Variants in CSGALNACT2 observed in about 807,000 individuals in gnomAD.
CSGALNACT2 encodes chondroitin sulfate N-acetylgalactosaminyltransferase 2.
A neutral mutation model predicts 55.3 loss-of-function variants in CSGALNACT2; 35 were observed. That is an observed-to-expected ratio of 0.63 (90% CI 0.48 to 0.84). The LOEUF (loss-of-function observed/expected upper bound fraction) is 0.84, where lower values mean the gene tolerates loss of function less well. Among genes scored for constraint, CSGALNACT2 ranks in the 40% least tolerant of loss-of-function variants. The probability of loss-of-function intolerance (pLI) is 0.00; values close to 1 mark genes in which losing one functional copy is unlikely to be tolerated. For missense variants in CSGALNACT2, 544 were observed against 657.5 expected, an observed-to-expected ratio of 0.83 and a Z score of 1.89; for synonymous variants, 196 against 224.9, an observed-to-expected ratio of 0.87 and a Z score of 1.15.
rs577474312 is a variant in CSGALNACT2 at position 43,158,586 on chromosome 10, T to G, written c.662-129T>G. 6.9e-4 allele frequency: 418 copies of G among 607,610 alleles called. 1 individual carries two copies. Among genetic ancestry groups the G allele is most frequent in the Middle Eastern group, 4.9e-3 (15 of 3,046 alleles). The allele number at this position is 607,610 out of a possible 1,614,324, so 37.6% of individuals were successfully genotyped here. A position where few individuals can be genotyped will look rare whatever the true frequency, so the allele number is the denominator to read the frequency against. The stretch of plus-strand genomic sequence containing the variant: ...TACTGTGCAGTGGGGATAAGTATTT[T>G]CACAAATAGGTAAAAATCCTGCAGG... On this transcript the variant is annotated intron_variant, in intron 2 of 7. Coordinates refer to ENST00000374466, the MANE Select transcript of CSGALNACT2 (RefSeq NM_018590.5).
At chr10:43,174,175 A>G (rs1156864497) in intron 6 of CSGALNACT2, among the ~76,000 whole-genome samples, 1 of 151,990 alleles carries the variant, frequency 6.6e-6, no homozygotes. Context: ...TTTACATTCT[A>G]GAAGGGGAAG....
chr10:43,158,588 A>G (rs1015356418), intron 2 of CSGALNACT2, 127 bp from the exon 3 acceptor site: 4 of 608,052 alleles, frequency 6.6e-6, no homozygotes, highest in Non-Finnish European at 1.2e-5. Flanking sequence ...AAGTATTTTC[A>G]CAAATAGGTA....
intron 1 of CSGALNACT2, among the ~76,000 whole-genome samples, chr10:43,150,406 C>T (rs2505506): frequency 0.83 from 126,408 of 152,232 alleles, 53,028 homozygotes; most frequent in African/African-American, 0.91. Flanking sequence ...AAAAGACTTA[C>T]AGTACAGGTA....
chr10:43,175,648 C>T (rs1315459540), intron 6 of CSGALNACT2, among the ~76,000 whole-genome samples: 5 of 152,206 alleles, frequency 3.3e-5, no homozygotes, highest in African/African-American at 1.2e-4. Flanking sequence ...ATAAAGTCTA[C>T]TGTGTAAGGT....
chr10:43,158,909 G>C lies in CSGALNACT2; in HGVS notation c.856G>C (p.Val286Leu), dbSNP rs774410973. 2 of 1,607,120 alleles carry C rather than the reference G, an allele frequency of 1.2e-6. No homozygotes were observed. The highest frequency in any genetic ancestry group is 1.7e-6 in the Non-Finnish European group (2 of 1,174,330). The change falls in exon 3 of 8, where the codon GTA becomes CTA. Residue 286 changes from valine (V) to leucine (L), a missense_variant. Coordinates refer to ENST00000374466, the MANE Select transcript of CSGALNACT2 (RefSeq NM_018590.5). ...ACTTGCTGAAAGAACTGAAGCATTT[G>C]TACAATTTATGCAGAACTTCAGGTA... ...VPLAERTEAF[V>L]QFMQNFRDVC...
At chr10:43,164,504 A>C (rs1038479147) in intron 5 of CSGALNACT2, among the ~76,000 whole-genome samples, 1 of 152,226 alleles carries the variant, frequency 6.6e-6, no homozygotes, top group African/African-American at 2.4e-5. Flanking sequence ...CAGACTGTGC[A>C]TTTTGGGATG....
Position 43,155,334 on chromosome 10 carries a change from A to G in CSGALNACT2, c.185A>G (p.Gln62Arg). 2.5e-6 allele frequency: 4 copies of G among 1,614,214 alleles called. No individual in the cohort carries two copies. The highest frequency in any genetic ancestry group is 3.4e-6 in the Non-Finnish European group (4 of 1,180,036). The change falls in exon 2 of 8, where the codon CAG becomes CGG. Residue 62 changes from glutamine to arginine, a missense_variant. By Grantham distance (43) the Gln-to-Arg change is conservative (BLOSUM62 1). Around this residue, in one of 2 missense-constraint regions of CSGALNACT2, gnomAD observed 374 missense variants for 401.3 expected, o/e 0.93. Transcript: ENST00000374466. ...YGKEYYQALL[Q>R]EQEEHYQTRA... Reference sequence around the variant, plus strand: ...AAAGAGTATTATCAAGCCCTCCTACAGGAACAAGAAGAACATTATCAGACC... The same window carrying G: ...AAAGAGTATTATCAAGCCCTCCTACGGGAACAAGAAGAACATTATCAGACC...
rs111331309 is a variant in CSGALNACT2, at chr10:43,163,801, T to C, written c.981-65T>C. On this transcript the variant is annotated intron_variant, in intron 4 of 7. Coordinates refer to ENST00000374466, the MANE Select transcript of CSGALNACT2 (RefSeq NM_018590.5). ...TGTAAAACATATTTTGTAAGCTGTG[T>C]TGAAGGAAGAAAATTGGTAACTTTA... is the stretch of plus-strand genomic sequence containing the variant. 5.3e-6 allele frequency: 8 copies of C among 1,513,504 alleles called. No individual in the cohort carries two copies. The Admixed American group carries it at 1.1e-4, about 20-fold the overall frequency. The allele number at this position is 1,513,504 out of a possible 1,614,324, so 93.8% of individuals were successfully genotyped here. A position where few individuals can be genotyped will look rare whatever the true frequency, so the allele number is the denominator to read the frequency against.
At chr10:43,143,547 T>A (rs1326872519) in intron 1 of CSGALNACT2, among the ~76,000 whole-genome samples, 1 of 147,014 alleles carries the variant, frequency 6.8e-6, no homozygotes, top group East Asian at 2.4e-4. Context: ...GGAATCATAA[T>A]AAAGGAATCA....
At chr10:43,145,150 C>A (rs1838716989) in intron 1 of CSGALNACT2, among the ~76,000 whole-genome samples, 1 of 152,024 alleles carries the variant, frequency 6.6e-6, no homozygotes, top group Non-Finnish European at 1.5e-5. Flanking sequence ...TAAACTGAGG[C>A]AGAATAAAAT....
intron 1 of CSGALNACT2, 54 bp downstream of exon 1, chr10:43,138,621 C>T (rs1271568230): frequency 6.6e-6 from 1 of 151,506 alleles, no homozygotes; most frequent in Non-Finnish European, 1.5e-5. Context: ...CCGGCTCCGG[C>T]CCGGGCGGTG....
At chr10:43,151,444 C>T (rs1838871539) in intron 1 of CSGALNACT2, among the ~76,000 whole-genome samples, 1 of 152,102 alleles carries the variant, frequency 6.6e-6, no homozygotes, top group Non-Finnish European at 1.5e-5. Flanking sequence ...TTTTTGAGTG[C>T]TCTACCGAGT....
intron 7 of CSGALNACT2, among the ~76,000 whole-genome samples, chr10:43,178,463 A>T (rs768905736): frequency 6.6e-6 from 1 of 152,068 alleles, no homozygotes; most frequent in Non-Finnish European, 1.5e-5. Flanking sequence ...TCTACTAAAA[A>T]TACAAAAATT....
At chr10:43,156,196 A>G (rs1321346517) in intron 2 of CSGALNACT2, among the ~76,000 whole-genome samples, 1 of 152,240 alleles carries the variant, frequency 6.6e-6, no homozygotes, top group Non-Finnish European at 1.5e-5. Context: ...CATTTGATAA[A>G]GGAAAGAAAA....
At chr10:43,167,559 GTTT>G (rs1171730844) in intron 6 of CSGALNACT2, among the ~76,000 whole-genome samples, 1 of 152,098 alleles carries the variant, frequency 6.6e-6, no homozygotes, top group Non-Finnish European at 1.5e-5. Context: ...TTTTATGTAA[GTTT>G]TTTAAAATTT....
chr10:43,166,535 G>C (rs1314879660), intron 5 of CSGALNACT2, among the ~76,000 whole-genome samples: 1 of 152,184 alleles, frequency 6.6e-6, no homozygotes, highest in Non-Finnish European at 1.5e-5. Context: ...TTTTGGTTCA[G>C]ATTTATTCTA....
chr10:43,166,973 T>C, intron 5 of CSGALNACT2, 31 bp from the exon 6 acceptor site: 1 of 1,367,898 alleles, frequency 7.3e-7, no homozygotes, highest in Non-Finnish European at 1.0e-6. Flanking sequence ...TAACTTCTTT[T>C]TATGTTACAA....
Position 43,155,569 on chromosome 10 carries a change from C to T in CSGALNACT2, c.420C>T (p.Pro140=). The T allele has an allele frequency of 6.2e-7, 1 of 1,614,184 alleles. No individual in the cohort carries two copies. Among genetic ancestry groups the T allele is most frequent in the South Asian group, 1.1e-5 (1 of 91,076 alleles). The change falls in exon 2 of 8, where the codon CCC becomes CCT. Residue 140 remains proline (P), a synonymous_variant. Coordinates refer to ENST00000374466, the MANE Select transcript of CSGALNACT2 (RefSeq NM_018590.5). ...KAEVSIGAKL[P]SEYGVIPFES... ...AAGTTAGCATAGGGGCCAAACTACC[C>T]AGTGAGTATGGGGTCATTCCCTTTG...
At chr10:43,146,996 AC>A (rs1301184492) in intron 1 of CSGALNACT2, among the ~76,000 whole-genome samples, 6 of 122 alleles carry the variant, frequency 0.049, 1 homozygote, top group Non-Finnish European at 0.075. Context: ...TTTTGTGGAG[AC>A]GGGAGTCTCG....
Sources: gnomAD v4.1 joint callset for allele counts (sites outside exome capture counted in the v4.1 genomes callset) on GRCh38, gnomAD v4.1.1 for gene constraint, gnomAD v4.1.1 regional missense constraint, MANE v1.5 for transcripts, NCBI Gene and HGNC (gene_info 2026-07-23, HGNC 2026-07-21) for gene names.